Variants in PDZRN3 observed in about 807,000 individuals in gnomAD.
PDZRN3 encodes E3 ubiquitin-protein ligase PDZRN3.
In PDZRN3, 38 loss-of-function variants were observed where a neutral mutation model predicts 85.7. That is an observed-to-expected ratio of 0.44 (90% CI 0.34 to 0.58). The LOEUF (loss-of-function observed/expected upper bound fraction) is 0.58. Among genes scored for constraint, PDZRN3 ranks in the 20% least tolerant of loss-of-function variants. PDZRN3 has a pLI of 0.01. For missense variants in PDZRN3, 1,629 were observed against 1,506.4 expected, an observed-to-expected ratio of 1.08 and a Z score of -1.35; for synonymous variants, 759 against 638.0, an observed-to-expected ratio of 1.19 and a Z score of -2.86.
chr3:73,429,102 G>T (rs1559674938), intron 3 of PDZRN3, among the ~76,000 whole-genome samples: 1 of 151,994 alleles, frequency 6.6e-6, no homozygotes, highest in African/African-American at 2.4e-5. Context: ...GTAGCGATGG[G>T]ATCTCATCAA....
chr3:73,607,410 C>T (rs1702617966), intron 2 of PDZRN3, among the ~76,000 whole-genome samples: 1 of 152,146 alleles, frequency 6.6e-6, no homozygotes, highest in Admixed American at 6.5e-5. Flanking sequence ...CCCCAGGACA[C>T]CTCCTCCCGC....
At chr3:73,547,020 C>A (rs555084175) in intron 3 of PDZRN3, among the ~76,000 whole-genome samples, 1 of 152,298 alleles carries the variant, frequency 6.6e-6, no homozygotes, top group Admixed American at 6.5e-5. Flanking sequence ...CTGAAAGGCA[C>A]AGCACCATTC....
chr3:73,421,882 C>T (rs763174570), intron 3 of PDZRN3, among the ~76,000 whole-genome samples: 32 of 152,250 alleles, frequency 2.1e-4, no homozygotes, highest in Non-Finnish European at 3.5e-4. Context: ...CCCCTGACCT[C>T]GTGATCTCCC....
At chr3:73,477,339 G>A (rs1298565566) in intron 3 of PDZRN3, among the ~76,000 whole-genome samples, 1 of 152,100 alleles carries the variant, frequency 6.6e-6, no homozygotes, top group Non-Finnish European at 1.5e-5. Context: ...TATAAATTCC[G>A]GGTCTCTCTG....
At chr3:73,585,022 C>T (rs1288446583) in intron 3 of PDZRN3, among the ~76,000 whole-genome samples, 1 of 152,126 alleles carries the variant, frequency 6.6e-6, no homozygotes, top group African/African-American at 2.4e-5. Context: ...TGAGTCCAGG[C>T]TGCCTCCACT....
intron 3 of PDZRN3, among the ~76,000 whole-genome samples, chr3:73,502,971 GA>G (rs1158822042): frequency 1.3e-5 from 2 of 152,212 alleles, no homozygotes; most frequent in Non-Finnish European, 1.5e-5. Context: ...AGACAGGTGT[GA>G]AAACACAGTT....
chr3:73,500,547 T>C (rs1703957403), intron 3 of PDZRN3, among the ~76,000 whole-genome samples: 1 of 152,162 alleles, frequency 6.6e-6, no homozygotes, highest in Non-Finnish European at 1.5e-5. Flanking sequence ...TATATAAGTG[T>C]TGTTGCCAGA....
intron 3 of PDZRN3, among the ~76,000 whole-genome samples, chr3:73,578,187 G>A (rs1000586795): frequency 8.7e-5 from 12 of 138,462 alleles, no homozygotes; most frequent in East Asian, 2.1e-4. Context: ...TTTTTGAGAC[G>A]GAGTCTCGCT....
chr3:73,513,228 G>C lies in PDZRN3; in HGVS notation c.918+89126C>G, dbSNP rs113236997. Among the ~76,000 whole-genome samples the C allele has an allele frequency of 8.6e-3, 1,305 of 152,284 alleles. 13 individuals carry two copies. Among genetic ancestry groups the C allele is most frequent in the African/African-American group, 0.029 (1,200 of 41,544 alleles). ...GTACTGTCCAAAGATTGCTACGAGTGAGCTGCTGTTCATAGTCATCGTCTT... is the reference window on the plus strand; with the variant it reads ...GTACTGTCCAAAGATTGCTACGAGTCAGCTGCTGTTCATAGTCATCGTCTT... On this transcript the variant is annotated intron_variant, in intron 3 of 9. Coordinates refer to ENST00000263666, the MANE Select transcript of PDZRN3 (RefSeq NM_015009.3).
intron 3 of PDZRN3, among the ~76,000 whole-genome samples, chr3:73,431,878 G>C (rs954495057): frequency 6.6e-6 from 1 of 152,022 alleles, no homozygotes; most frequent in African/African-American, 2.4e-5. Flanking sequence ...GTGGGGCTGG[G>C]GGGACTGAGC....
chr3:73,458,197 T>C (rs1703027254), intron 3 of PDZRN3, among the ~76,000 whole-genome samples: 1 of 152,124 alleles, frequency 6.6e-6, no homozygotes, highest in Non-Finnish European at 1.5e-5. Context: ...TTGGGGTGGC[T>C]TTGCTTTCTT....
At chr3:73,411,764 T>C (rs977970680) in intron 3 of PDZRN3, among the ~76,000 whole-genome samples, 14 of 152,230 alleles carry the variant, frequency 9.2e-5, no homozygotes, top group African/African-American at 2.2e-4. Flanking sequence ...TGAAAGTCGC[T>C]ATCAGCCACT....
At chr3:73,404,702 C>A in intron 3 of PDZRN3, 1 of 333,046 alleles carries the variant, frequency 3.0e-6, no homozygotes. Flanking sequence ...AAAGGCCAGC[C>A]TCAGGCTCCG....
Position 73,579,351 on chromosome 3 carries a change from T to A in PDZRN3, c.918+23003A>T, listed in dbSNP as rs945876523. ...TTACCCAGTTTAAGGCATTTTATTA[T>A]AACAACCTACATAGATAAAAGGTAG... On this transcript the variant is annotated intron_variant, in intron 3 of 9. Transcript: ENST00000263666. Among the ~76,000 whole-genome samples, 4 of 152,290 alleles carry A rather than the reference T, an allele frequency of 2.6e-5. No individual in the cohort carries two copies. In the East Asian group the frequency reaches 7.7e-4, roughly 29 times the overall value.
At chr3:73,455,448 C>T (rs1045901326) in intron 3 of PDZRN3, among the ~76,000 whole-genome samples, 4 of 152,142 alleles carry the variant, frequency 2.6e-5, no homozygotes, top group South Asian at 2.1e-4. Context: ...GGCTATGTCC[C>T]GACTCCACAC....
intron 3 of PDZRN3, among the ~76,000 whole-genome samples, chr3:73,519,027 T>A (rs772939414): frequency 6.6e-6 from 1 of 152,102 alleles, no homozygotes; most frequent in Non-Finnish European, 1.5e-5. Flanking sequence ...TTGGAAGAGG[T>A]GCAGTGAGTT....
intron 5 of PDZRN3, among the ~76,000 whole-genome samples, chr3:73,394,437 C>T (rs4494864): frequency 6.6e-6 from 1 of 152,200 alleles, no homozygotes; most frequent in Non-Finnish European, 1.5e-5. Context: ...ACATTCTCAG[C>T]TGGATCTTTA....
chr3:73,453,424 CAAA>C (rs372949149), intron 3 of PDZRN3, among the ~76,000 whole-genome samples: 12 of 96,800 alleles, frequency 1.2e-4, no homozygotes, highest in Non-Finnish European at 1.9e-4. Context: ...AAAAAAAAAA[CAAA>C]AAAAAAAAAC....
intron 5 of PDZRN3, among the ~76,000 whole-genome samples, chr3:73,394,616 C>T (rs1194722705): frequency 6.6e-6 from 1 of 152,216 alleles, no homozygotes; most frequent in African/African-American, 2.4e-5. Context: ...GGAGCTTACT[C>T]TAGGTATTTA....
Sources: gnomAD v4.1 joint callset for allele counts (sites outside exome capture counted in the v4.1 genomes callset) on GRCh38, gnomAD v4.1.1 for gene constraint, MANE v1.5 for transcripts, NCBI Gene and HGNC (gene_info 2026-07-23, HGNC 2026-07-21) for gene names.